The following PTER variants were observed in gnomAD, a reference collection of about 807,000 sequenced individuals.
The protein encoded by PTER is phosphotriesterase related.
A neutral mutation model predicts 29.6 loss-of-function variants in PTER; 38 were observed. The ratio of observed to expected loss-of-function variants is 1.28; its 90% CI spans 0.99 to 1.68. The LOEUF is 1.68. PTER is among the 40% of genes most tolerant of loss of function. PTER has a pLI of 0.00. For synonymous variants in PTER, 172 were observed against 154.5 expected (o/e 1.11, Z -0.84); for missense variants, 482 against 427.8 (o/e 1.13, Z -1.12).
chr10:16,485,002 C>T (rs1351333220), intron 2 of PTER, among the ~76,000 whole-genome samples, 186 bp downstream of exon 2: 1 of 152,108 alleles, frequency 6.6e-6, no homozygotes, highest in Non-Finnish European at 1.5e-5. Flanking sequence ...ATTTTGCAAG[C>T]AAGCCTTGTG....
intron 2 of PTER, among the ~76,000 whole-genome samples, chr10:16,485,557 A>C (rs922449124): frequency 3.9e-5 from 6 of 152,196 alleles, no homozygotes; most frequent in African/African-American, 1.4e-4. Context: ...GCAAAAGATC[A>C]CTTACTCTCT....
chr10:16,481,674 C>T (rs1397629334), intron 1 of PTER, among the ~76,000 whole-genome samples: 1 of 152,106 alleles, frequency 6.6e-6, no homozygotes, highest in Non-Finnish European at 1.5e-5. Context: ...AGACTCACAG[C>T]TTGTGAGCTT....
chr10:16,456,581 T>C (rs926976417), intron 1 of PTER, among the ~76,000 whole-genome samples: 1 of 152,188 alleles, frequency 6.6e-6, no homozygotes, highest in African/African-American at 2.4e-5. Flanking sequence ...TTCAGAAGAA[T>C]AGCTCTGCTT....
In PTER at chr10:16,511,310, G is replaced by C. The variant is rs191508622; in HGVS notation, c.*54G>C. ...GTATAAAACTTGCAGAGAACATTCA[G>C]CGATTTCCAGTCCACTGTGAGATAT... On this transcript the variant is annotated 3_prime_UTR_variant, in exon 5 of 5. Coordinates refer to ENST00000535784, the MANE Select transcript of PTER (RefSeq NM_001261836.2). 6.9e-6 allele frequency: 10 copies of C among 1,455,958 alleles called. No homozygotes were observed. The highest frequency in any genetic ancestry group is 7.7e-6 in the Non-Finnish European group (8 of 1,040,402). The allele number at this position is 1,455,958 out of a possible 1,614,324, so 90.2% of individuals were successfully genotyped here.
chr10:16,447,618 A>G (rs1743655715), intron 1 of PTER, among the ~76,000 whole-genome samples: 1 of 152,190 alleles, frequency 6.6e-6, no homozygotes, highest in Middle Eastern at 3.2e-3. Flanking sequence ...GATGTATTAA[A>G]TTTTAGACCT....
downstream of PTER, among the ~76,000 whole-genome samples, chr10:16,516,270 G>A (rs762148772): frequency 9.9e-5 from 15 of 152,214 alleles, no homozygotes; most frequent in African/African-American, 3.1e-4. Context: ...AAAGTGGTCC[G>A]TTTTGACCAT....
intron 1 of PTER, chr10:16,437,633 T>C (rs1833698138): frequency 6.6e-6 from 1 of 152,178 alleles, no homozygotes; most frequent in African/African-American, 2.4e-5. Context: ...TCTATATTTT[T>C]TGACAGTTTA....
downstream of PTER, among the ~76,000 whole-genome samples, chr10:16,517,888 C>T (rs1227682754): frequency 1.3e-5 from 2 of 152,190 alleles, no homozygotes; most frequent in Non-Finnish European, 2.9e-5. Flanking sequence ...GGTTAATTTA[C>T]TGGTCTTTGA....
chr10:16,438,911 ACT>A (rs1245960352), intron 1 of PTER, among the ~76,000 whole-genome samples: 2 of 105,774 alleles, frequency 1.9e-5, no homozygotes, highest in Non-Finnish European at 3.5e-5. Context: ...TCAGAGCAAG[ACT>A]CTGTCTCAAA....
At chr10:16,471,522 GTC>G (rs1477775382) in intron 1 of PTER, among the ~76,000 whole-genome samples, 1 of 152,154 alleles carries the variant, frequency 6.6e-6, no homozygotes, top group Admixed American at 6.5e-5. Flanking sequence ...ACATTTTAGT[GTC>G]TCTGGCTGTT....
chr10:16,462,642 C>T (rs895515155), intron 1 of PTER, among the ~76,000 whole-genome samples: 20 of 149,012 alleles, frequency 1.3e-4, no homozygotes, highest in South Asian at 2.1e-4. Context: ...GCAATCTTAG[C>T]GCTCTGTAGA....
intron 3 of PTER, among the ~76,000 whole-genome samples, chr10:16,499,667 T>C (rs1836255999): frequency 6.6e-6 from 1 of 152,020 alleles, no homozygotes; most frequent in Admixed American, 6.6e-5. Context: ...TGGTCTGGAA[T>C]TCATGAGCTC....
downstream of PTER, among the ~76,000 whole-genome samples, chr10:16,516,223 T>G (rs1006589043): frequency 2.0e-5 from 3 of 152,180 alleles, no homozygotes; most frequent in Non-Finnish European, 2.9e-5. Flanking sequence ...GTAATTATGC[T>G]TGGAAGCACT....
chr10:16,453,705 A>T (rs1345965229), intron 1 of PTER, among the ~76,000 whole-genome samples: 1 of 152,210 alleles, frequency 6.6e-6, no homozygotes, highest in Non-Finnish European at 1.5e-5. Flanking sequence ...ATCAGAAAAA[A>T]TTCATATAAA....
At chr10:16,497,218 AG>A (rs957726260) in intron 3 of PTER, among the ~76,000 whole-genome samples, 1 of 152,188 alleles carries the variant, frequency 6.6e-6, no homozygotes, top group African/African-American at 2.4e-5. Flanking sequence ...TACAGGCATG[AG>A]CCATATGCCC....
intron 1 of PTER, among the ~76,000 whole-genome samples, chr10:16,444,648 C>T (rs567122716): frequency 7.2e-5 from 11 of 152,122 alleles, no homozygotes; most frequent in Non-Finnish European, 1.3e-4. Flanking sequence ...CCACCTCGGC[C>T]TCCCAAAATG....
chr10:16,504,364 A>C (rs188656340), intron 3 of PTER, among the ~76,000 whole-genome samples: 7 of 152,310 alleles, frequency 4.6e-5, no homozygotes, highest in Admixed American at 4.6e-4. Flanking sequence ...ACATCTATTG[A>C]AATGAGAAGA....
chr10:16,505,005 T>C lies in PTER; in HGVS notation c.699-15T>C, dbSNP rs768757547. The C allele has an allele frequency of 1.9e-6, 3 of 1,613,222 alleles. No individual in the cohort carries two copies. Among genetic ancestry groups the C allele is most frequent in the East Asian group, 4.5e-5 (2 of 44,866 alleles). On this transcript the variant is annotated splice_polypyrimidine_tract_variant and intron_variant, in intron 3 of 4. Coordinates refer to ENST00000535784, the MANE Select transcript of PTER (RefSeq NM_001261836.2). ...GCTCTTCATAATAACAGTTCATCTG[T>C]CGCATTGTTTCTAGGACTATTCTTG...
chr10:16,475,162 A>T (rs1471037281), intron 1 of PTER, among the ~76,000 whole-genome samples: 2 of 152,154 alleles, frequency 1.3e-5, no homozygotes, highest in Admixed American at 6.5e-5. Context: ...GGATTTCAAC[A>T]TAGGAATTTT....
Sources: allele counts gnomAD v4.1 joint callset (sites outside exome capture counted in the v4.1 genomes callset), GRCh38; gene constraint gnomAD v4.1.1; transcripts MANE v1.5; gene names NCBI Gene and HGNC (gene_info 2026-07-23, HGNC 2026-07-21).